POTEF: variants seen among roughly 807,000 people sequenced by gnomAD.
The protein encoded by POTEF is ANKRD26-like family C member 1B.
In POTEF, 20 loss-of-function variants were observed where a neutral mutation model predicts 83.2. The observed-to-expected ratio is 0.24, with a 90% CI of 0.17 to 0.35. The LOEUF is 0.35. Ranked by LOEUF, POTEF falls within the 10% of genes least tolerant of loss-of-function variation. POTEF has a pLI of 1.00. For synonymous variants in POTEF, 196 were observed against 446.4 expected (o/e 0.44, Z 7.07); for missense variants, 550 against 1,203.2 (o/e 0.46, Z 8.03).
chr2:130,110,538 C>T lies in POTEF; in HGVS notation c.1055+5G>A. 2 of 1,460,162 alleles carry T rather than the reference C, an allele frequency of 1.4e-6. No individual in the cohort carries two copies. The highest frequency in any genetic ancestry group is 2.4e-5 in the South Asian group (2 of 83,042). 90.5% of individuals were successfully genotyped at this position (1,460,162 alleles called of 1,614,324 possible). The stretch of plus-strand genomic sequence containing the variant: ...ATTAACTAGCCTTTTAATGTAAACA[C>T]TTACACATGATGATGACTAGAAACA... On this transcript the variant is annotated splice_donor_5th_base_variant and intron_variant, in intron 7 of 16. Transcript: ENST00000409914.
rs1370141335 is a variant in POTEF at position 130,075,104 on chromosome 2, A to T, written c.2368T>A (p.Phe790Ile). The stretch of plus-strand genomic sequence containing the variant: ...GGAGCCACACGCAGCTCGTTGTAGA[A>T]GGTGTGGTGCCAGATCTTCTCCATG... ...DDMEKIWHHT[F>I]YNELRVAPEE... is the part of the protein sequence containing the mutation. The change falls in exon 17 of 17, where the codon TTC becomes ATC. Residue 790 changes from phenylalanine (F) to isoleucine (I), a missense_variant. By Grantham distance (21) the Phe-to-Ile change is conservative. Coordinates refer to ENST00000409914, the MANE Select transcript of POTEF (RefSeq NM_001099771.2). The T allele has an allele frequency of 1.9e-6, 3 of 1,613,626 alleles. No individual in the cohort carries two copies. The African/African-American group carries it at 4.0e-5, about 22-fold the overall frequency.
At chr2:130,116,153 A>G (rs1325463696) in intron 3 of POTEF, among the ~76,000 whole-genome samples, 1 of 151,948 alleles carries the variant, frequency 6.6e-6, no homozygotes, top group African/African-American at 2.4e-5. Flanking sequence ...ACCAATTCTT[A>G]CTTTGGTTTT....
At chr2:130,121,072 G>A (rs1250563170) in intron 2 of POTEF, among the ~76,000 whole-genome samples, 303 of 151,208 alleles carry the variant, frequency 2.0e-3, no homozygotes, top group African/African-American at 6.8e-3. Flanking sequence ...TGCGGCGTGC[G>A]CGTGCAAGCC....
intron 15 of POTEF, among the ~76,000 whole-genome samples, 159 bp from the exon 16 acceptor site, chr2:130,077,360 C>T (rs1317832714): frequency 8.5e-5 from 13 of 152,220 alleles, no homozygotes; most frequent in Non-Finnish European, 1.6e-4. Flanking sequence ...GTGTCCCCAA[C>T]CATGCTGGCA....
intron 7 of POTEF, 71 bp from the exon 8 acceptor site, chr2:130,108,150 A>C: frequency 6.6e-7 from 1 of 1,504,358 alleles, no homozygotes; most frequent in Non-Finnish European, 8.9e-7. Context: ...CAAATGTAGA[A>C]TTATTAAGAG....
Position 130,113,232 on chromosome 2 carries a change from A to C in POTEF, c.811-1131T>G, listed in dbSNP as rs546572076. ...ACCTCATCTCTACTGAAAAAAAAAA[A>C]AAAAAAACTGAGGTTGGAGGACCAT... On this transcript the variant is annotated intron_variant, in intron 5 of 16. Coordinates refer to ENST00000409914, the MANE Select transcript of POTEF (RefSeq NM_001099771.2). Among the ~76,000 whole-genome samples the C allele has an allele frequency of 8.1e-5, 10 of 123,756 alleles. 2 individuals are homozygous for C. In the South Asian group the frequency reaches 2.5e-3, roughly 31 times the overall value. The allele number at this position is 123,756 out of a possible 152,430, so 81.2% of individuals were successfully genotyped here.
chr2:130,107,527 G>A (rs1684574887), intron 8 of POTEF, among the ~76,000 whole-genome samples: 1 of 151,068 alleles, frequency 6.6e-6, no homozygotes, highest in Non-Finnish European at 1.5e-5. Context: ...ACAGGAGGAG[G>A]TGAGCAGCAG....
intron 2 of POTEF, among the ~76,000 whole-genome samples, chr2:130,127,020 A>G (rs1006664092): frequency 2.0e-5 from 3 of 152,044 alleles, no homozygotes; most frequent in Middle Eastern, 3.4e-3. Flanking sequence ...GACCATCACA[A>G]CAAAAAAGAA....
At chr2:130,103,768 G>A (rs1684437705) in intron 8 of POTEF, among the ~76,000 whole-genome samples, 1 of 145,342 alleles carries the variant, frequency 6.9e-6, no homozygotes, top group South Asian at 2.2e-4. Flanking sequence ...ATTAAAAGGG[G>A]TAGAGGGCAG....
intron 3 of POTEF, among the ~76,000 whole-genome samples, chr2:130,116,354 G>T (rs1392569929): frequency 2.0e-5 from 3 of 149,526 alleles, no homozygotes; most frequent in African/African-American, 7.5e-5. Context: ...TTTTTCAACT[G>T]TTACATTCAG....
chr2:130,126,944 G>A (rs1351203954), intron 2 of POTEF, among the ~76,000 whole-genome samples: 1 of 151,932 alleles, frequency 6.6e-6, no homozygotes, highest in Non-Finnish European at 1.5e-5. Context: ...ACAGGTGCAG[G>A]AATTAGAAGG....
rs1684349113 is a variant in POTEF, at chr2:130,100,806, T to G, written c.1198-86A>C. 7 of 1,524,884 alleles carry G rather than the reference T, an allele frequency of 4.6e-6. No individual in the cohort carries two copies. In the Admixed American group the frequency reaches 7.9e-5, roughly 17 times the overall value. 94.5% of individuals were successfully genotyped at this position (1,524,884 alleles called of 1,614,324 possible). ...TGGAGCGCATGTTTTAAAAAAATTTTATTCTTAACTAATCAAGTATGGACA... is the reference window on the plus strand; with the variant it reads ...TGGAGCGCATGTTTTAAAAAAATTTGATTCTTAACTAATCAAGTATGGACA... On this transcript the variant is annotated intron_variant, in intron 9 of 16. Coordinates refer to ENST00000409914, the MANE Select transcript of POTEF (RefSeq NM_001099771.2).
chr2:130,127,242 G>C (rs1383078815), intron 2 of POTEF, among the ~76,000 whole-genome samples: 3 of 140,278 alleles, frequency 2.1e-5, no homozygotes, highest in African/African-American at 8.0e-5. Flanking sequence ...GGAGGATGGT[G>C]TGAACCCAGG....
At chr2:130,127,324 CAAA>C (rs57173649) in intron 2 of POTEF, among the ~76,000 whole-genome samples, 400 of 12,342 alleles carry the variant, frequency 0.032, no homozygotes, top group South Asian at 0.14. Context: ...GACTCTGTCT[CAAA>C]AAAAAAAAAA....
At chr2:130,119,484 T>TCA (rs1684941252) in intron 3 of POTEF, among the ~76,000 whole-genome samples, 1 of 151,196 alleles carries the variant, frequency 6.6e-6, no homozygotes, top group Non-Finnish European at 1.5e-5. Context: ...TTAAGAAAAT[T>TCA]CAATCTTCCT....
intron 15 of POTEF, among the ~76,000 whole-genome samples, chr2:130,085,336 T>C (rs1305112407): frequency 1.3e-5 from 2 of 148,910 alleles, no homozygotes; most frequent in African/African-American, 5.1e-5. Flanking sequence ...ATGCCACATA[T>C]TCTTACTCAT....
intron 2 of POTEF, among the ~76,000 whole-genome samples, chr2:130,121,117 C>T (rs917884445): frequency 7.3e-5 from 11 of 151,616 alleles, no homozygotes; most frequent in South Asian, 4.1e-4. Context: ...CGGGCGTGTG[C>T]GCGCGGCGTG....
At chr2:130,124,563 C>T (rs1685054247) in intron 2 of POTEF, among the ~76,000 whole-genome samples, 1 of 144,664 alleles carries the variant, frequency 6.9e-6, no homozygotes, top group South Asian at 2.2e-4. Flanking sequence ...ACAATAAATA[C>T]ATCTTCATAT....
intron 15 of POTEF, among the ~76,000 whole-genome samples, chr2:130,083,391 T>C (rs1422210001): frequency 1.3e-5 from 2 of 149,136 alleles, no homozygotes; most frequent in Non-Finnish European, 3.0e-5. Context: ...GAAACAACAA[T>C]GTCCAAAAGG....
Sources: allele counts gnomAD v4.1 joint callset (sites outside exome capture counted in the v4.1 genomes callset), GRCh38; gene constraint gnomAD v4.1.1; transcripts MANE v1.5; gene names NCBI Gene and HGNC (gene_info 2026-07-23, HGNC 2026-07-21).